Variants in MREG observed in about 807,000 individuals in gnomAD.
MREG encodes melanoregulin.
MREG carries 31 observed loss-of-function variants against 28.5 expected under a neutral mutation model. The ratio of observed to expected loss-of-function variants is 1.09; its 90% CI spans 0.82 to 1.47. The LOEUF (loss-of-function observed/expected upper bound fraction) is 1.47, where lower values mean the gene tolerates loss of function less well. MREG is among the 40% of genes most tolerant of loss of function. MREG has a pLI of 0.00. For missense variants in MREG, 256 were observed against 257.4 expected (o/e 0.99, Z 0.04); for synonymous variants, 106 against 95.2 (o/e 1.11, Z -0.66).
rs58288878 is a variant in MREG, at chr2:216,005,444, C to CTTTTT, written c.95+7784_95+7788dup. On this transcript the variant is annotated intron_variant, in intron 1 of 4. Coordinates refer to ENST00000263268, the MANE Select transcript of MREG (RefSeq NM_018000.3). Reference sequence around the variant, plus strand: ...CACGAGTATTCACTTTCTAGTTATTCTTTTTTTTTTTTTTTTTTTTTTTTT... The same window carrying CTTTTT: ...CACGAGTATTCACTTTCTAGTTATTCTTTTTTTTTTTTTTTTTTTTTTTTTTTTTT... 6.3e-4 allele frequency among the ~76,000 whole-genome samples: 54 copies of CTTTTT among 86,320 alleles called. 1 individual carries two copies. Among genetic ancestry groups the CTTTTT allele is most frequent in the Non-Finnish European group, 1.1e-3 (45 of 41,428 alleles). 56.6% of individuals were successfully genotyped at this position (86,320 alleles called of 152,430 possible).
chr2:216,031,349 G>A (rs958186304), intron 1 of MREG, among the ~76,000 whole-genome samples: 3 of 151,684 alleles, frequency 2.0e-5, no homozygotes, highest in Non-Finnish European at 2.9e-5. Context: ...AGAGGTTGCA[G>A]TGAGCTGAGA....
intron 2 of MREG, among the ~76,000 whole-genome samples, chr2:215,991,861 C>A (rs140270887): frequency 2.4e-3 from 360 of 152,232 alleles, no homozygotes; most frequent in African/African-American, 8.0e-3. Flanking sequence ...ATTTGAATCC[C>A]TGAATAGACC....
intron 2 of MREG, among the ~76,000 whole-genome samples, chr2:215,988,556 C>A (rs1160779478): frequency 6.6e-6 from 1 of 152,196 alleles, no homozygotes; most frequent in Non-Finnish European, 1.5e-5. Flanking sequence ...CATTTACTCC[C>A]CTGGAAAGGG....
At position 215,975,269 on chromosome 2, in the gene MREG, G is replaced by A. The variant is rs570126083; in HGVS notation, c.255+21037C>T. Among the ~76,000 whole-genome samples the A allele has an allele frequency of 8.6e-5, 13 of 151,982 alleles. No individual in the cohort carries two copies. The South Asian group carries it at 2.3e-3, about 27-fold the overall frequency. On this transcript the variant is annotated intron_variant, in intron 2 of 4. Transcript: ENST00000263268. The stretch of plus-strand genomic sequence containing the variant: ...AAATCCTATCTCATTATTTTTCAAG[G>A]TATATAGCATTCATTAGTGAAGCTA...
intron 2 of MREG, among the ~76,000 whole-genome samples, chr2:215,974,801 A>AACACAG (rs1408823438): frequency 7.1e-6 from 1 of 141,302 alleles, no homozygotes; most frequent in African/African-American, 2.6e-5. Context: ...CCAGTTCCTA[A>AACACAG]ACACAGACAC....
rs945972472 is a variant in MREG, at chr2:215,944,311, T to C, written c.*552A>G. On this transcript the variant is annotated 3_prime_UTR_variant, in exon 5 of 5. Coordinates refer to ENST00000263268, the MANE Select transcript of MREG (RefSeq NM_018000.3). ...TCATTTCTATCATTTGATACATCTA[T>C]ACTTCTGAATAATCATAACTGATAC... 1.3e-5 allele frequency: 2 copies of C among 152,242 alleles called. No individual in the cohort carries two copies. The highest frequency in any genetic ancestry group is 4.8e-5 in the African/African-American group (2 of 41,448). The allele number at this position is 152,242 out of a possible 1,614,324, so 9.4% of individuals were successfully genotyped here.
chr2:216,023,345 G>A (rs1472530837), intron 1 of MREG, among the ~76,000 whole-genome samples: 2 of 152,182 alleles, frequency 1.3e-5, no homozygotes, highest in Non-Finnish European at 2.9e-5. Context: ...AGCTGCTGTA[G>A]CCACAATGCC....
At chr2:216,024,109 G>T (rs1178639768) in intron 1 of MREG, among the ~76,000 whole-genome samples, 1 of 152,054 alleles carries the variant, frequency 6.6e-6, no homozygotes, top group East Asian at 1.9e-4. Flanking sequence ...ACTCTCCCTT[G>T]CCATGCCGAG....
upstream of MREG, among the ~76,000 whole-genome samples, chr2:216,015,130 C>CGCGCGTGCGTGTGCGCGCATGTGTGT (rs568981730): frequency 2.6e-3 from 388 of 151,820 alleles, 2 homozygotes; most frequent in Non-Finnish European, 4.6e-3. Flanking sequence ...CGTGTGTGTG[C>CGCGCGTGCGTGTGCGCGCATGTGTGT]GCGCGTGCGT....
At chr2:216,025,735 C>G (rs1171984827) in intron 1 of MREG, among the ~76,000 whole-genome samples, 1 of 152,238 alleles carries the variant, frequency 6.6e-6, no homozygotes, top group East Asian at 1.9e-4. Context: ...TGTCGGGCAA[C>G]ACTTCCAGCA....
chr2:216,002,453 G>A (rs539584939), intron 1 of MREG, among the ~76,000 whole-genome samples: 2 of 152,302 alleles, frequency 1.3e-5, no homozygotes, highest in Admixed American at 6.5e-5. Context: ...CTCTGACACC[G>A]GCAGTTCCAG....
At chr2:215,949,771 C>A (rs1375440534) in intron 2 of MREG, among the ~76,000 whole-genome samples, 1 of 152,150 alleles carries the variant, frequency 6.6e-6, no homozygotes, top group Non-Finnish European at 1.5e-5. Context: ...TCCACTTGTG[C>A]CTGAAAATTT....
upstream of MREG, among the ~76,000 whole-genome samples, chr2:216,015,275 G>A (rs1236886512): frequency 2.0e-5 from 3 of 152,138 alleles, no homozygotes; most frequent in African/African-American, 7.2e-5. Flanking sequence ...CGCTGAGACT[G>A]TGACATGTAA....
intron 2 of MREG, among the ~76,000 whole-genome samples, chr2:215,964,309 C>A (rs1285507112): frequency 6.6e-6 from 1 of 152,044 alleles, no homozygotes; most frequent in Admixed American, 6.5e-5. Context: ...CATGGTGAAA[C>A]CCTGTCTCTA....
chr2:216,006,818 C>T (rs1694166468), intron 1 of MREG, among the ~76,000 whole-genome samples: 1 of 152,184 alleles, frequency 6.6e-6, no homozygotes, highest in African/African-American at 2.4e-5. Context: ...GGTGGTGATT[C>T]CCTTTTACAT....
intron 2 of MREG, among the ~76,000 whole-genome samples, chr2:215,987,595 A>C (rs2106007200): frequency 6.6e-6 from 1 of 152,260 alleles, no homozygotes; most frequent in South Asian, 2.1e-4. Flanking sequence ...TAAAAGAAGA[A>C]AGTGGAAGGG....
In MREG at chr2:215,972,732, A is replaced by C. The variant is rs543283472; in HGVS notation, c.255+23574T>G. 3.9e-5 allele frequency among the ~76,000 whole-genome samples: 6 copies of C among 152,266 alleles called. No homozygotes were observed. The East Asian group carries it at 1.2e-3, about 29-fold the overall frequency. ...AAAAATTATCTAATTGTACATTTTA[A>C]ATATATGCAGTTTATTGTATGTCCA... On this transcript the variant is annotated intron_variant, in intron 2 of 4. Coordinates refer to ENST00000263268, the MANE Select transcript of MREG (RefSeq NM_018000.3).
chr2:215,940,326 A>T (rs1692183232), downstream of MREG, among the ~76,000 whole-genome samples: 1 of 152,228 alleles, frequency 6.6e-6, no homozygotes, highest in South Asian at 2.1e-4. Context: ...TTATGAGAGT[A>T]TACTCCCTTC....
In MREG at chr2:216,031,691, G is replaced by GAGAAAGAAAGAAAGAAAGAA. The variant is rs1395273679; in HGVS notation, c.-68+1078_-68+1097dup. Among the ~76,000 whole-genome samples the GAGAAAGAAAGAAAGAAAGAA allele has an allele frequency of 2.1e-4, 13 of 61,102 alleles. 1 individual carries two copies. The highest frequency in any genetic ancestry group is 5.4e-4 in the African/African-American group (9 of 16,558). 40.1% of individuals were successfully genotyped at this position (61,102 alleles called of 152,430 possible). A position where few individuals can be genotyped will look rare whatever the true frequency, so the allele number is the denominator to read the frequency against. On this transcript the variant is annotated intron_variant, in intron 1 of 3. Transcript: ENST00000420348. ...AGAAAGAAAGAAAGAAAGAAAGAAAGAGAAAGAAAGAAAGAAAGAAAGGGA... is the reference window on the plus strand; with the variant it reads ...AGAAAGAAAGAAAGAAAGAAAGAAAGAGAAAGAAAGAAAGAAAGAAAGAAAGAAAGAAAGAAAGAAAGGGA...
Sources: gnomAD v4.1 joint callset for allele counts (sites outside exome capture counted in the v4.1 genomes callset) on GRCh38, gnomAD v4.1.1 for gene constraint, MANE v1.5 for transcripts, NCBI Gene and HGNC (gene_info 2026-07-23, HGNC 2026-07-21) for gene names.